The following TUBB2B variants were observed in gnomAD, a reference collection of about 807,000 sequenced individuals.
The protein encoded by TUBB2B is tubulin beta-2B chain.
TUBB2B carries 5 observed loss-of-function variants against 35.0 expected under a neutral mutation model. That is an observed-to-expected ratio of 0.14 (90% CI 0.07 to 0.30). The LOEUF (loss-of-function observed/expected upper bound fraction) is 0.30. TUBB2B is among the 10% of genes least tolerant of loss of function. TUBB2B has a pLI of 1.00. For synonymous variants in TUBB2B, 166 were observed against 250.5 expected, an observed-to-expected ratio of 0.66 and a Z score of 3.18; for missense variants, 63 against 601.8, an observed-to-expected ratio of 0.10 and a Z score of 9.37.
rs1362615639 is a variant in TUBB2B, at chr6:3,227,206, T to C, written c.57+281A>G. Among the ~76,000 whole-genome samples the C allele has an allele frequency of 6.6e-6, 1 of 151,824 alleles. No individual in the cohort carries two copies. Among genetic ancestry groups the C allele is most frequent in the African/African-American group, 2.4e-5 (1 of 41,292 alleles). ...CGCGCACAGCCTCGCGGACACACCCTCGTCTTCTCCAGGCACGCGTGCCTG... is the reference window on the plus strand; with the variant it reads ...CGCGCACAGCCTCGCGGACACACCCCCGTCTTCTCCAGGCACGCGTGCCTG... On this transcript the variant is annotated intron_variant, in intron 1 of 3. Transcript: ENST00000259818. This position sits in a 1 kb window ranked among gnomAD's most constrained non-coding sequence, Gnocchi z 7.8.
chr6:3,225,814 G>T lies in TUBB2B; in HGVS notation c.278-3C>A. The T allele has an allele frequency of 1.9e-6, 3 of 1,613,662 alleles. No individual in the cohort carries two copies. The highest frequency in any genetic ancestry group is 2.5e-6 in the Non-Finnish European group (3 of 1,179,876). ...GTTATTCCCGGCTCCACTCTGGCCT[G>T]CCAGAGGGAAAGAGAAATCTTAAGT... On this transcript the variant is annotated splice_region_variant and splice_polypyrimidine_tract_variant and intron_variant, in intron 3 of 3. Coordinates refer to ENST00000259818, the MANE Select transcript of TUBB2B (RefSeq NM_178012.5).
Position 3,226,388 on chromosome 6 carries a change from T to A in TUBB2B, c.167-119A>T. The A allele has an allele frequency of 9.3e-7, 1 of 1,080,202 alleles. No individual in the cohort carries two copies. Among genetic ancestry groups the A allele is most frequent in the Non-Finnish European group, 1.4e-6 (1 of 710,434 alleles). The allele number at this position is 1,080,202 out of a possible 1,614,324, so 66.9% of individuals were successfully genotyped here. On this transcript the variant is annotated intron_variant, in intron 2 of 3. Coordinates refer to ENST00000259818, the MANE Select transcript of TUBB2B (RefSeq NM_178012.5). The surrounding 1 kb of genome is among the most constrained non-coding windows in gnomAD (Gnocchi z 5.5). ...CAAAGGGAGACCCACCATCAGGTTC[T>A]CAAAGGGCTCTGTTGGCATAAGGAA...
Position 3,227,439 on chromosome 6 carries a change from G to A in TUBB2B, c.57+48C>T, listed in dbSNP as rs369774935. On this transcript the variant is annotated intron_variant, in intron 1 of 3. Transcript: ENST00000259818. The surrounding 1 kb of genome is among the most constrained non-coding windows in gnomAD (Gnocchi z 7.8). ...GCCTGGGGACCCCGAGGGGCTCTCG[G>A]CCCAGGTTCGCGCCCCCATTGGACC... 1.6e-5 allele frequency: 25 copies of A among 1,598,962 alleles called. No individual in the cohort carries two copies. In the African/African-American group the frequency reaches 1.6e-4, roughly 10 times the overall value.
Position 3,224,708 on chromosome 6 carries a change from C to T in TUBB2B, c.*43G>A. 2 of 1,610,568 alleles carry T rather than the reference C, an allele frequency of 1.2e-6. No individual in the cohort carries two copies. Among genetic ancestry groups the T allele is most frequent in the Non-Finnish European group, 1.7e-6 (2 of 1,177,500 alleles). Reference sequence around the variant, plus strand: ...CGTCCCGGGAAGCCCCCCACCCCCTCGCTTTCCTCCTCCGCTTTCCCTAAC... The same window carrying T: ...CGTCCCGGGAAGCCCCCCACCCCCTTGCTTTCCTCCTCCGCTTTCCCTAAC... On this transcript the variant is annotated 3_prime_UTR_variant, in exon 4 of 4. Transcript: ENST00000259818.
In TUBB2B at chr6:3,226,814, C is replaced by A; in HGVS notation, c.58-145G>T. The A allele has an allele frequency of 2.6e-6, 2 of 778,198 alleles. No homozygotes were observed. Among genetic ancestry groups the A allele is most frequent in the South Asian group, 1.4e-5 (1 of 70,678 alleles). 48.2% of individuals were successfully genotyped at this position (778,198 alleles called of 1,614,324 possible). A position where few individuals can be genotyped will look rare whatever the true frequency, so the allele number is the denominator to read the frequency against. ...GGGCGTCGTGACCCGGGCACAGCCG[C>A]GGGGCTTGTATTTTGCAGGTTCAGA... On this transcript the variant is annotated intron_variant, in intron 1 of 3. Coordinates refer to ENST00000259818, the MANE Select transcript of TUBB2B (RefSeq NM_178012.5). This position sits in a 1 kb window ranked among gnomAD's most constrained non-coding sequence, Gnocchi z 5.5.
rs1561827277 is a variant in TUBB2B at position 3,226,801 on chromosome 6, C to G, written c.58-132G>C. 1 of 820,854 alleles carries G rather than the reference C, an allele frequency of 1.2e-6. No homozygotes were observed. 50.8% of individuals were successfully genotyped at this position (820,854 alleles called of 1,614,324 possible). A position where few individuals can be genotyped will look rare whatever the true frequency, so the allele number is the denominator to read the frequency against. On this transcript the variant is annotated intron_variant, in intron 1 of 3. Transcript: ENST00000259818. The surrounding 1 kb of genome is among the most constrained non-coding windows in gnomAD (Gnocchi z 5.5). ...TTGAAGCTTTAAAGGGCGTCGTGAC[C>G]CGGGCACAGCCGCGGGGCTTGTATT...
Position 3,227,643 on chromosome 6 carries a change from G to C in TUBB2B, c.-100C>G. On this transcript the variant is annotated 5_prime_UTR_variant, in exon 1 of 4. Transcript: ENST00000259818. This position sits in a 1 kb window ranked among gnomAD's most constrained non-coding sequence, Gnocchi z 7.8. The stretch of plus-strand genomic sequence containing the variant: ...GTCACCGGGAAGGCGCTCGGGAACC[G>C]ACGGGCTGAGAGCGCCGGCCCCGCG... 1 of 1,518,226 alleles carries C rather than the reference G, an allele frequency of 6.6e-7. No homozygotes were observed. The highest frequency in any genetic ancestry group is 1.2e-5 in the South Asian group (1 of 85,570). 94.0% of individuals were successfully genotyped at this position (1,518,226 alleles called of 1,614,324 possible).
In TUBB2B at chr6:3,226,106, A is replaced by G; in HGVS notation, c.277+53T>C. 6.5e-7 allele frequency: 1 copy of G among 1,527,466 alleles called. No homozygotes were observed. The highest frequency in any genetic ancestry group is 9.1e-7 in the Non-Finnish European group (1 of 1,103,406). 94.6% of individuals were successfully genotyped at this position (1,527,466 alleles called of 1,614,324 possible). A position where few individuals can be genotyped will look rare whatever the true frequency, so the allele number is the denominator to read the frequency against. ...TGGCAATCACACCTCTTCAGCCTCC[A>G]CTGCCCAGCGTAAAATGAATCCCTC... On this transcript the variant is annotated intron_variant, in intron 3 of 3. Transcript: ENST00000259818. The surrounding 1 kb of genome is among the most constrained non-coding windows in gnomAD (Gnocchi z 5.5).
At position 3,226,785 on chromosome 6, in the gene TUBB2B, T is replaced by C. The variant is rs574691903; in HGVS notation, c.58-116A>G. Reference sequence around the variant, plus strand: ...CCAACATTTCAGGAGCTTGAAGCTTTAAAGGGCGTCGTGACCCGGGCACAG... The same window carrying C: ...CCAACATTTCAGGAGCTTGAAGCTTCAAAGGGCGTCGTGACCCGGGCACAG... On this transcript the variant is annotated intron_variant, in intron 1 of 3. Transcript: ENST00000259818. The surrounding 1 kb of genome is among the most constrained non-coding windows in gnomAD (Gnocchi z 5.5). 1.2e-4 allele frequency: 116 copies of C among 946,866 alleles called. No individual in the cohort carries two copies. The highest frequency in any genetic ancestry group is 1.8e-4 in the Non-Finnish European group (103 of 577,534). The allele number at this position is 946,866 out of a possible 1,614,324, so 58.7% of individuals were successfully genotyped here. A position where few individuals can be genotyped will look rare whatever the true frequency, so the allele number is the denominator to read the frequency against.
rs1482274295 is a variant in TUBB2B, at chr6:3,226,789, G to A, written c.58-120C>T. 1 of 922,746 alleles carries A rather than the reference G, an allele frequency of 1.1e-6. No individual in the cohort carries two copies. The highest frequency in any genetic ancestry group is 1.6e-5 in the African/African-American group (1 of 61,878). 57.2% of individuals were successfully genotyped at this position (922,746 alleles called of 1,614,324 possible). A position where few individuals can be genotyped will look rare whatever the true frequency, so the allele number is the denominator to read the frequency against. On this transcript the variant is annotated intron_variant, in intron 1 of 3. Transcript: ENST00000259818. The surrounding 1 kb of genome is among the most constrained non-coding windows in gnomAD (Gnocchi z 5.5). ...CATTTCAGGAGCTTGAAGCTTTAAA[G>A]GGCGTCGTGACCCGGGCACAGCCGC...
Position 3,227,050 on chromosome 6 carries a change from C to A in TUBB2B, c.58-381G>T, listed in dbSNP as rs1386015504. Among the ~76,000 whole-genome samples, 2 of 152,202 alleles carry A rather than the reference C, an allele frequency of 1.3e-5. No individual in the cohort carries two copies. Among genetic ancestry groups the A allele is most frequent in the East Asian group, 3.9e-4 (2 of 5,172 alleles). On this transcript the variant is annotated intron_variant, in intron 1 of 3. Coordinates refer to ENST00000259818, the MANE Select transcript of TUBB2B (RefSeq NM_178012.5). This position sits in a 1 kb window ranked among gnomAD's most constrained non-coding sequence, Gnocchi z 7.8. ...GAGGAACGCAAAGGAGCTAAAGGAC[C>A]GCGGTTTTAGATTCAAAGCACGTCC...
chr6:3,225,303 G>A lies in TUBB2B; in HGVS notation c.786C>T (p.Arg262=), dbSNP rs1278224560. ...KLAVNMVPFP[R]LHFFMPGFAP... ...CGAAGCCGGGCATGAAGAAGTGCAG[G>A]CGAGGGAAGGGCACCATGTTCACCG... The change falls in exon 4 of 4, where the codon CGC becomes CGT. Residue 262 remains arginine, a synonymous_variant. Coordinates refer to ENST00000259818, the MANE Select transcript of TUBB2B (RefSeq NM_178012.5). 1.9e-6 allele frequency: 3 copies of A among 1,566,190 alleles called. No individual in the cohort carries two copies. Among genetic ancestry groups the A allele is most frequent in the Admixed American group, 3.7e-5 (2 of 53,840 alleles).
chr6:3,226,696 A>G lies in TUBB2B; in HGVS notation c.58-27T>C. 6.3e-7 allele frequency: 1 copy of G among 1,580,154 alleles called. No individual in the cohort carries two copies. Among genetic ancestry groups the G allele is most frequent in the Non-Finnish European group, 8.7e-7 (1 of 1,149,048 alleles). ...TGAGACAGAAAGGCTGCATTTAGCCATGAACGATGCCCCCAGAAACGCCAA... is the reference window on the plus strand; with the variant it reads ...TGAGACAGAAAGGCTGCATTTAGCCGTGAACGATGCCCCCAGAAACGCCAA... On this transcript the variant is annotated intron_variant, in intron 1 of 3. Coordinates refer to ENST00000259818, the MANE Select transcript of TUBB2B (RefSeq NM_178012.5). This position sits in a 1 kb window ranked among gnomAD's most constrained non-coding sequence, Gnocchi z 5.5.
Position 3,227,544 on chromosome 6 carries a change from G to A in TUBB2B, c.-1C>T. ...CCTGGATGTGCACGATCTCACGCAT[G>A]GTGCCTCGTCAGCGTCCTCCTGGTC... On this transcript the variant is annotated 5_prime_UTR_variant, in exon 1 of 4. Transcript: ENST00000259818. This position sits in a 1 kb window ranked among gnomAD's most constrained non-coding sequence, Gnocchi z 7.8. The A allele has an allele frequency of 6.2e-7, 1 of 1,610,846 alleles. No individual in the cohort carries two copies. Among genetic ancestry groups the A allele is most frequent in the Non-Finnish European group, 8.5e-7 (1 of 1,179,720 alleles).
At position 3,227,372 on chromosome 6, in the gene TUBB2B, G is replaced by A. The variant is rs972501159; in HGVS notation, c.57+115C>T. On this transcript the variant is annotated intron_variant, in intron 1 of 3. Transcript: ENST00000259818. This position sits in a 1 kb window ranked among gnomAD's most constrained non-coding sequence, Gnocchi z 7.8. ...ACACTCGGCGGCACAAAGCGGCCAG[G>A]AAGGTCTGCATTTGGCGATCCCCAG... 3.6e-6 allele frequency: 5 copies of A among 1,398,926 alleles called. No individual in the cohort carries two copies. Among genetic ancestry groups the A allele is most frequent in the Non-Finnish European group, 3.9e-6 (4 of 1,026,526 alleles). 86.7% of individuals were successfully genotyped at this position (1,398,926 alleles called of 1,614,324 possible).
In TUBB2B at chr6:3,226,939, C is replaced by G. The variant is rs988323684; in HGVS notation, c.58-270G>C. On this transcript the variant is annotated intron_variant, in intron 1 of 3. Coordinates refer to ENST00000259818, the MANE Select transcript of TUBB2B (RefSeq NM_178012.5). The surrounding 1 kb of genome is among the most constrained non-coding windows in gnomAD (Gnocchi z 5.5). ...CAGCCAAAGCCGGGCAGTGGCGGAGCTTGGCGCACTGGTCGCAGCCCCAGG... is the reference window on the plus strand; with the variant it reads ...CAGCCAAAGCCGGGCAGTGGCGGAGGTTGGCGCACTGGTCGCAGCCCCAGG... 5.9e-5 allele frequency among the ~76,000 whole-genome samples: 9 copies of G among 152,084 alleles called. No homozygotes were observed. The highest frequency in any genetic ancestry group is 1.2e-4 in the Non-Finnish European group (8 of 67,996).
chr6:3,227,597 C>A lies in TUBB2B; in HGVS notation c.-54G>T. On this transcript the variant is annotated 5_prime_UTR_variant, in exon 1 of 4. Coordinates refer to ENST00000259818, the MANE Select transcript of TUBB2B (RefSeq NM_178012.5). This position sits in a 1 kb window ranked among gnomAD's most constrained non-coding sequence, Gnocchi z 7.8. ...GCGGCGTCTGGGTCTGTCCGTCCTC[C>A]CCTCACACACCCACTGCGGGGTCAC... The A allele has an allele frequency of 5.6e-6, 9 of 1,602,752 alleles. No homozygotes were observed. The highest frequency in any genetic ancestry group is 7.7e-6 in the Non-Finnish European group (9 of 1,176,352).
chr6:3,227,457 A>T lies in TUBB2B; in HGVS notation c.57+30T>A, dbSNP rs763337693. On this transcript the variant is annotated intron_variant, in intron 1 of 3. Coordinates refer to ENST00000259818, the MANE Select transcript of TUBB2B (RefSeq NM_178012.5). This position sits in a 1 kb window ranked among gnomAD's most constrained non-coding sequence, Gnocchi z 7.8. The stretch of plus-strand genomic sequence containing the variant: ...GCTCTCGGCCCAGGTTCGCGCCCCC[A>T]TTGGACCCCCTCCGCTGCGGCGCGC... 6 of 1,603,376 alleles carry T rather than the reference A, an allele frequency of 3.7e-6. No individual in the cohort carries two copies. The highest frequency in any genetic ancestry group is 5.1e-6 in the Non-Finnish European group (6 of 1,179,338).
Position 3,226,070 on chromosome 6 carries a change from T to C in TUBB2B, c.277+89A>G. 7.1e-7 allele frequency: 1 copy of C among 1,417,158 alleles called. No individual in the cohort carries two copies. Among genetic ancestry groups the C allele is most frequent in the Non-Finnish European group, 9.9e-7 (1 of 1,005,948 alleles). The allele number at this position is 1,417,158 out of a possible 1,614,324, so 87.8% of individuals were successfully genotyped here. On this transcript the variant is annotated intron_variant, in intron 3 of 3. Transcript: ENST00000259818. The surrounding 1 kb of genome is among the most constrained non-coding windows in gnomAD (Gnocchi z 5.5). The stretch of plus-strand genomic sequence containing the variant: ...GTTGGCACACCGCGGATGTTCTTCA[T>C]GCTTTCCCTCTGGCAATCACACCTC...
Sources: allele counts gnomAD v4.1 joint callset (sites outside exome capture counted in the v4.1 genomes callset), GRCh38; gene constraint gnomAD v4.1.1; non-coding constraint Gnocchi (gnomAD v3.1); transcripts MANE v1.5; gene names NCBI Gene and HGNC (gene_info 2026-07-23, HGNC 2026-07-21).